The following ESYT1 variants were observed in gnomAD, a reference collection of about 807,000 sequenced individuals.
The protein encoded by ESYT1 is extended synaptotagmin-1.
In ESYT1, 116 loss-of-function variants were observed where a neutral mutation model predicts 154.2. The ratio of observed to expected loss-of-function variants is 0.75; its 90% confidence interval spans 0.65 to 0.88. The LOEUF (loss-of-function observed/expected upper bound fraction) is 0.88. ESYT1 is among the 40% of genes least tolerant of loss of function. The pLI is 0.00. For missense variants in ESYT1, 1,264 were observed against 1,379.3 expected (o/e 0.92, Z 1.32); for synonymous variants, 500 against 539.9 (o/e 0.93, Z 1.02).
Position 56,143,953 on chromosome 12 carries a change from C to T in ESYT1, c.*91C>T. 6.2e-7 allele frequency: 1 copy of T among 1,605,176 alleles called. No homozygotes were observed. Among genetic ancestry groups the T allele is most frequent in the South Asian group, 1.1e-5 (1 of 90,860 alleles). On this transcript the variant is annotated 3_prime_UTR_variant, in exon 31 of 31. Coordinates refer to ENST00000394048, the MANE Select transcript of ESYT1 (RefSeq NM_015292.3). ...ATGTGATGAGCCTAAAGCTAGGGTCCAAGGGCAGAGCCTGTGCCCTTCAGC... is the reference window on the plus strand; with the variant it reads ...ATGTGATGAGCCTAAAGCTAGGGTCTAAGGGCAGAGCCTGTGCCCTTCAGC...
chr12:56,131,154 G>A (rs1302432598), intron 4 of ESYT1, 41 bp downstream of exon 4: 1 of 1,612,822 alleles, frequency 6.2e-7, no homozygotes, highest in African/African-American at 1.3e-5. Context: ...CCTTCAATGT[G>A]TCCTGTTCAG....
rs773488494 is a variant in ESYT1 at position 56,142,571 on chromosome 12, C to T, written c.2734-7C>T. On this transcript the variant is annotated splice_polypyrimidine_tract_variant and splice_region_variant and intron_variant, in intron 25 of 30. Transcript: ENST00000394048. This position sits in a 1 kb window ranked among gnomAD's most constrained non-coding sequence, Gnocchi z 4.1. ...CTCTGCCCAGCTCACAGCTTTCTTG[C>T]CCCTAGATCCTGGTGTCCCAGCACT... 16 of 1,614,004 alleles carry T rather than the reference C, an allele frequency of 9.9e-6. No homozygotes were observed. The highest frequency in any genetic ancestry group is 1.3e-5 in the Non-Finnish European group (15 of 1,180,026).
At position 56,137,209 on chromosome 12, in the gene ESYT1, C is replaced by T; in HGVS notation, c.1783-9C>T. ...CTTCTTTGATTCAGCATCATACTAC[C>T]CTTCCTAGATCCTGTACTTGGATTC... On this transcript the variant is annotated splice_polypyrimidine_tract_variant and intron_variant, in intron 16 of 30. Transcript: ENST00000394048. 2 of 1,614,118 alleles carry T rather than the reference C, an allele frequency of 1.2e-6. No individual in the cohort carries two copies.
intron 10 of ESYT1, 146 bp downstream of exon 10, chr12:56,132,947 C>T (rs1870300843): frequency 1.3e-5 from 9 of 677,572 alleles, no homozygotes; most frequent in Middle Eastern, 4.0e-4. Flanking sequence ...GGTGAAACCC[C>T]ATCTCTACTA....
In ESYT1 at chr12:56,137,589, T is replaced by C; in HGVS notation, c.2029T>C (p.Tyr677His). ...GGLVKGKSDP[Y>H]VKLKLAGRSF... Reference sequence around the variant, plus strand: ...ACTGGTGAAGGGCAAGTCAGACCCCTATGTCAAACTAAAGTTGGCAGGACG... The same window carrying C: ...ACTGGTGAAGGGCAAGTCAGACCCCCATGTCAAACTAAAGTTGGCAGGACG... The change falls in exon 18 of 31, where the codon TAT becomes CAT. Residue 677 changes from tyrosine to histidine, a missense_variant. Tyr to His is a moderately conservative substitution (Grantham distance 83). Coordinates refer to ENST00000394048, the MANE Select transcript of ESYT1 (RefSeq NM_015292.3). 1 of 1,614,136 alleles carries C rather than the reference T, an allele frequency of 6.2e-7. No homozygotes were observed. Among genetic ancestry groups the C allele is most frequent in the Non-Finnish European group, 8.5e-7 (1 of 1,180,016 alleles).
rs762442057 is a variant in ESYT1 at position 56,134,212 on chromosome 12, A to G, written c.1545+31A>G. 3 of 1,608,392 alleles carry G rather than the reference A, an allele frequency of 1.9e-6. No individual in the cohort carries two copies. The Admixed American group carries it at 5.0e-5, about 27-fold the overall frequency. On this transcript the variant is annotated intron_variant, in intron 14 of 30. Coordinates refer to ENST00000394048, the MANE Select transcript of ESYT1 (RefSeq NM_015292.3). The stretch of plus-strand genomic sequence containing the variant: ...GGCCAGGACATCATTGTGGGTGGCC[A>G]GGTAGGACAGGGAGAGGCCTATTCT...
intron 1 of ESYT1, 94 bp from the exon 2 acceptor site, chr12:56,130,488 T>A: frequency 6.7e-7 from 1 of 1,491,290 alleles, no homozygotes; most frequent in South Asian, 1.1e-5. Flanking sequence ...TCACACACAC[T>A]CCCTCTCCTC....
At chr12:56,137,440 G>A (rs1870506431) in intron 17 of ESYT1, 59 bp from the exon 18 acceptor site, 1 of 1,610,434 alleles carries the variant, frequency 6.2e-7, no homozygotes. Flanking sequence ...CTGTTTCAGG[G>A]CAGATTCTGA....
chr12:56,136,961 G>A, intron 16 of ESYT1, 68 bp downstream of exon 16: 1 of 1,509,318 alleles, frequency 6.6e-7, no homozygotes. Context: ...TTAAGAGTAA[G>A]GAAAGGGACC....
chr12:56,137,948 TG>T, intron 19 of ESYT1, 34 bp downstream of exon 19: 1 of 1,613,706 alleles, frequency 6.2e-7, no homozygotes, highest in Non-Finnish European at 8.5e-7. Context: ...AAAAACAGGC[TG>T]GGGCTCTTTA....
Position 56,137,423 on chromosome 12 carries a change from G to T in ESYT1, c.1938+50G>T, listed in dbSNP as rs199907429. 1.6e-5 allele frequency: 26 copies of T among 1,612,218 alleles called. No individual in the cohort carries two copies. In the African/African-American group the frequency reaches 1.9e-4, roughly 12 times the overall value. The stretch of plus-strand genomic sequence containing the variant: ...AGGGTCTGTTTGCCCCGCTAAGTAT[G>T]CAAAGCCTGTTTCAGGGCAGATTCT... On this transcript the variant is annotated intron_variant, in intron 17 of 30. Transcript: ENST00000394048.
At chr12:56,129,874 T>G (rs775915844) in intron 1 of ESYT1, among the ~76,000 whole-genome samples, 1 of 151,914 alleles carries the variant, frequency 6.6e-6, no homozygotes, top group African/African-American at 2.4e-5. Flanking sequence ...CTTCCTGCTC[T>G]AGAAGCCCCG....
At chr12:56,137,103 G>T in intron 16 of ESYT1, 115 bp from the exon 17 acceptor site, 1 of 1,416,622 alleles carries the variant, frequency 7.1e-7, no homozygotes. Context: ...GATGAGCCCA[G>T]CCAGGGCAGC....
rs750269745 is a variant in ESYT1 at position 56,136,884 on chromosome 12, A to G, written c.1773A>G (p.Leu591=). ...CAAACTCCAGACTCTATATGAAACTAGTCATGAGGGTATGGAAATAGAGGA... is the reference window on the plus strand; with the variant it reads ...CAAACTCCAGACTCTATATGAAACTGGTCATGAGGGTATGGAAATAGAGGA... ...SGPNSRLYMK[L]VMRILYLDSS... is the part of the protein sequence containing the mutation. Residue 591 remains leucine (L), a synonymous_variant, in exon 16 of 31, where the codon CTA becomes CTG. Coordinates refer to ENST00000394048, the MANE Select transcript of ESYT1 (RefSeq NM_015292.3). 5.6e-6 allele frequency: 9 copies of G among 1,597,840 alleles called. No homozygotes were observed. The highest frequency in any genetic ancestry group is 3.3e-4 in the Middle Eastern group (2 of 5,992).
At position 56,138,752 on chromosome 12, in the gene ESYT1, A is replaced by G; in HGVS notation, c.2434-16A>G. On this transcript the variant is annotated splice_polypyrimidine_tract_variant and intron_variant, in intron 22 of 30. Coordinates refer to ENST00000394048, the MANE Select transcript of ESYT1 (RefSeq NM_015292.3). ...CTAGGTCCAAATTTAAGACTAACAC[A>G]GTATTGTCTTTCTAGCTGCGAAAAG... 1 of 1,612,002 alleles carries G rather than the reference A, an allele frequency of 6.2e-7. No homozygotes were observed. The highest frequency in any genetic ancestry group is 8.5e-7 in the Non-Finnish European group (1 of 1,178,008).
chr12:56,138,324 C>T, intron 21 of ESYT1, 52 bp downstream of exon 21: 1 of 1,612,240 alleles, frequency 6.2e-7, no homozygotes, highest in South Asian at 1.1e-5. Flanking sequence ...GCAGGATGAG[C>T]TCTTCTCTTA....
At position 56,142,498 on chromosome 12, in the gene ESYT1, AG is replaced by A. The variant is rs1870742042; in HGVS notation, c.2733+76del. 5.6e-6 allele frequency: 9 copies of A among 1,608,292 alleles called. No individual in the cohort carries two copies. Among genetic ancestry groups the A allele is most frequent in the Non-Finnish European group, 1.7e-6 (2 of 1,175,870 alleles). ...CCTTCACAGGTGAGGGACACCCAGG[AG>A]GGTGGGAACAGAGGGCCGTGTCCTT... is the stretch of plus-strand genomic sequence containing the variant. On this transcript the variant is annotated intron_variant, in intron 25 of 30. Transcript: ENST00000394048. The surrounding 1 kb of genome is among the most constrained non-coding windows in gnomAD (Gnocchi z 4.1).
Position 56,131,132 on chromosome 12 carries a change from C to T in ESYT1, c.641+19C>T, listed in dbSNP as rs772029310. On this transcript the variant is annotated intron_variant, in intron 4 of 30. Transcript: ENST00000394048. ...ACATCAGGTAATACCACTCACCACT[C>T]TTACTGCTTCCCCTTCAATGTGTCC... 1 of 1,613,980 alleles carries T rather than the reference C, an allele frequency of 6.2e-7. No individual in the cohort carries two copies. Among genetic ancestry groups the T allele is most frequent in the Non-Finnish European group, 8.5e-7 (1 of 1,179,848 alleles).
intron 7 of ESYT1, 145 bp from the exon 8 acceptor site, chr12:56,132,064 T>G: frequency 7.7e-7 from 1 of 1,304,536 alleles, no homozygotes; most frequent in Non-Finnish European, 1.1e-6. Context: ...AGGTGGGGAA[T>G]TAGGGTAGAA....
Sources: allele counts gnomAD v4.1 joint callset (sites outside exome capture counted in the v4.1 genomes callset), GRCh38; gene constraint gnomAD v4.1.1; non-coding constraint Gnocchi (gnomAD v3.1); transcripts MANE v1.5; gene names NCBI Gene and HGNC (gene_info 2026-07-23, HGNC 2026-07-21).